The following EXOC5 variants were observed in gnomAD, a reference collection of about 807,000 sequenced individuals.
EXOC5 encodes exocyst complex component 5, also known as SEC10-like 1.
Under a neutral mutation model 90.8 loss-of-function variants are expected in EXOC5, and 17 were observed. The observed-to-expected ratio is 0.19, with a 90% CI of 0.13 to 0.28. The LOEUF (loss-of-function observed/expected upper bound fraction) is 0.28. EXOC5 is among the 10% of genes least tolerant of loss of function. The pLI, the probability that EXOC5 is intolerant of heterozygous loss-of-function variation, is 1.00. For synonymous variants in EXOC5, 260 were observed against 270.0 expected, an observed-to-expected ratio of 0.96 and a Z score of 0.36; for missense variants, 569 against 830.6, an observed-to-expected ratio of 0.69 and a Z score of 3.87.
chr14:57,254,045 A>G (rs1884271295), intron 1 of EXOC5, among the ~76,000 whole-genome samples: 1 of 152,214 alleles, frequency 6.6e-6, no homozygotes, highest in African/African-American at 2.4e-5. Context: ...AACTCCTAAA[A>G]TTTAATAAAA....
chr14:57,208,516 T>A lies in EXOC5; in HGVS notation c.*93A>T. 1 of 798,190 alleles carries A rather than the reference T, an allele frequency of 1.3e-6. No individual in the cohort carries two copies. 49.4% of individuals were successfully genotyped at this position (798,190 alleles called of 1,614,324 possible). ...ACAAAATGTTGGCTGTGTCATAAGGTATCTCCTGTGCTTTCTATCAACCGA... is the reference window on the plus strand; with the variant it reads ...ACAAAATGTTGGCTGTGTCATAAGGAATCTCCTGTGCTTTCTATCAACCGA... On this transcript the variant is annotated 3_prime_UTR_variant, in exon 18 of 18. Coordinates refer to ENST00000621441, the MANE Select transcript of EXOC5 (RefSeq NM_006544.4).
At chr14:57,256,767 C>T (rs1884359928) in intron 1 of EXOC5, among the ~76,000 whole-genome samples, 2 of 152,276 alleles carry the variant, frequency 1.3e-5, no homozygotes, top group Non-Finnish European at 2.9e-5. Flanking sequence ...GTGATCCATA[C>T]CCAATGACTG....
intron 6 of EXOC5, among the ~76,000 whole-genome samples, chr14:57,236,287 C>CTTT (rs746905430): frequency 7.7e-6 from 1 of 130,458 alleles, no homozygotes; most frequent in African/African-American, 2.9e-5. Flanking sequence ...TTTTCATTTT[C>CTTT]TTTTTTTTTT....
chr14:57,241,867 C>G (rs933626351), intron 4 of EXOC5, among the ~76,000 whole-genome samples: 42 of 152,282 alleles, frequency 2.8e-4, no homozygotes, highest in African/African-American at 9.6e-4. Flanking sequence ...GGTGCGGTGG[C>G]TCATGCCTGT....
chr14:57,231,465 T>C (rs370822621), intron 11 of EXOC5, 41 bp downstream of exon 11: 71 of 1,343,916 alleles, frequency 5.3e-5, no homozygotes, highest in Non-Finnish European at 6.9e-5. Flanking sequence ...AAGTTATTAA[T>C]GTCTTCAGTT....
intron 7 of EXOC5, among the ~76,000 whole-genome samples, chr14:57,234,259 T>C (rs563969299): frequency 6.6e-6 from 1 of 152,060 alleles, no homozygotes; most frequent in East Asian, 1.9e-4. Flanking sequence ...GTACATATCC[T>C]TGTTGAACTT....
chr14:57,233,511 A>G (rs1264532034), intron 9 of EXOC5, among the ~76,000 whole-genome samples: 2 of 152,110 alleles, frequency 1.3e-5, no homozygotes, highest in Non-Finnish European at 2.9e-5. Flanking sequence ...ACTACTACGA[A>G]TACTACACAA....
chr14:57,206,274 A>G lies in EXOC5; in HGVS notation c.*2335T>C, dbSNP rs1451026934. 1 of 246,448 alleles carries G rather than the reference A, an allele frequency of 4.1e-6. No homozygotes were observed. Among genetic ancestry groups the G allele is most frequent in the Non-Finnish European group, 8.0e-6 (1 of 125,142 alleles). 15.3% of individuals were successfully genotyped at this position (246,448 alleles called of 1,614,324 possible). A position where few individuals can be genotyped will look rare whatever the true frequency, so the allele number is the denominator to read the frequency against. ...AAAACGAAAAACATTTTAGTTATTGATCATCTCTTCTGAGCCATACACTTT... is the reference window on the plus strand; with the variant it reads ...AAAACGAAAAACATTTTAGTTATTGGTCATCTCTTCTGAGCCATACACTTT... On this transcript the variant is annotated 3_prime_UTR_variant, in exon 18 of 18. Coordinates refer to ENST00000621441, the MANE Select transcript of EXOC5 (RefSeq NM_006544.4).
intron 1 of EXOC5, among the ~76,000 whole-genome samples, chr14:57,267,508 C>T (rs1320352902): frequency 6.6e-6 from 1 of 152,158 alleles, no homozygotes; most frequent in Non-Finnish European, 1.5e-5. Context: ...ATACCATTTT[C>T]ACTTATGGAG....
chr14:57,228,011 TACACACACACAC>T (rs60151728), intron 12 of EXOC5, among the ~76,000 whole-genome samples: 1 of 144,146 alleles, frequency 6.9e-6, no homozygotes, highest in Non-Finnish European at 1.5e-5. Context: ...TATATATACA[TACACACACACAC>T]ACACACACAC....
At chr14:57,266,526 T>C (rs1466100567) in intron 1 of EXOC5, among the ~76,000 whole-genome samples, 2 of 152,040 alleles carry the variant, frequency 1.3e-5, no homozygotes, top group African/African-American at 2.4e-5. Context: ...AAGCTACATA[T>C]AGTCAAGAAA....
rs1484651964 is a variant in EXOC5, at chr14:57,202,485, A to G, written c.*6124T>C. The G allele has an allele frequency of 1.3e-5, 2 of 152,186 alleles. No individual in the cohort carries two copies. Among genetic ancestry groups the G allele is most frequent in the Non-Finnish European group, 2.9e-5 (2 of 68,030 alleles). 9.4% of individuals were successfully genotyped at this position (152,186 alleles called of 1,614,324 possible). A position where few individuals can be genotyped will look rare whatever the true frequency, so the allele number is the denominator to read the frequency against. On this transcript the variant is annotated 3_prime_UTR_variant, in exon 18 of 18. Transcript: ENST00000621441. ...GCATCATGACAGCGACTTATTCTCA[A>G]AAGGGAAAAATTTTATTTGTACAGT...
At chr14:57,231,948 A>G (rs893270159) in intron 10 of EXOC5, 5 of 395,064 alleles carry the variant, frequency 1.3e-5, no homozygotes, top group African/African-American at 8.2e-5. Flanking sequence ...ATTCCTAGGA[A>G]AAGAACTTGT....
intron 1 of EXOC5, among the ~76,000 whole-genome samples, chr14:57,248,983 A>C (rs937389084): frequency 6.6e-6 from 1 of 152,134 alleles, no homozygotes; most frequent in South Asian, 2.1e-4. Context: ...CTCAAGATGA[A>C]CTTATATTTA....
intron 10 of EXOC5, 98 bp from the exon 11 acceptor site, chr14:57,231,813 T>C (rs907819558): frequency 1.7e-5 from 13 of 757,892 alleles, no homozygotes; most frequent in African/African-American, 1.6e-4. Context: ...TTTCATGACT[T>C]ATGTTAAGCC....
intron 6 of EXOC5, 59 bp downstream of exon 6, chr14:57,237,279 T>C (rs1324988414): frequency 6.6e-6 from 6 of 913,472 alleles, no homozygotes; most frequent in Non-Finnish European, 5.3e-6. Context: ...GCTGTTTTAT[T>C]TTTACACAAG....
chr14:57,266,610 C>G (rs1336472743), intron 1 of EXOC5, among the ~76,000 whole-genome samples: 2 of 151,902 alleles, frequency 1.3e-5, no homozygotes, highest in African/African-American at 4.8e-5. Context: ...TAAGGGTAGT[C>G]TAAGGGCTAC....
rs1007781162 is a variant in EXOC5, at chr14:57,204,167, A to C, written c.*4442T>G. 6.6e-6 allele frequency: 1 copy of C among 152,186 alleles called. No homozygotes were observed. Among genetic ancestry groups the C allele is most frequent in the African/African-American group, 2.4e-5 (1 of 41,452 alleles). The allele number at this position is 152,186 out of a possible 1,614,324, so 9.4% of individuals were successfully genotyped here. A position where few individuals can be genotyped will look rare whatever the true frequency, so the allele number is the denominator to read the frequency against. On this transcript the variant is annotated 3_prime_UTR_variant, in exon 18 of 18. Transcript: ENST00000621441. ...AACAAAGGTTAATGGTACCTATCAA[A>C]TAATAATGATAAAATACCTCGGGTC...
At chr14:57,211,008 T>C (rs946927531) in intron 15 of EXOC5, among the ~76,000 whole-genome samples, 23 of 152,204 alleles carry the variant, frequency 1.5e-4, no homozygotes, top group African/African-American at 5.5e-4. Flanking sequence ...TGAGGAGATA[T>C]TCTGCTGGAT....
Sources: gnomAD v4.1 joint callset for allele counts (sites outside exome capture counted in the v4.1 genomes callset) on GRCh38, gnomAD v4.1.1 for gene constraint, MANE v1.5 for transcripts, NCBI Gene and HGNC (gene_info 2026-07-23, HGNC 2026-07-21) for gene names.